Variants in HTR1F observed in about 807,000 individuals in gnomAD.
HTR1F encodes 5-hydroxytryptamine (serotonin) receptor 1F, G protein-coupled.
A neutral mutation model predicts 24.0 loss-of-function variants in HTR1F; 17 were observed. That is an observed-to-expected ratio of 0.71 (90% confidence interval 0.48 to 1.06). The LOEUF is 1.06. HTR1F is among the 50% of genes least tolerant of loss of function. The pLI is 0.00. For synonymous variants in HTR1F, 186 were observed against 156.8 expected, an observed-to-expected ratio of 1.19 and a Z score of -1.39; for missense variants, 391 against 427.8, an observed-to-expected ratio of 0.91 and a Z score of 0.76.
intron 2 of HTR1F, among the ~76,000 whole-genome samples, chr3:87,978,435 G>C (rs1705447471): frequency 6.6e-6 from 1 of 152,164 alleles, no homozygotes; most frequent in Non-Finnish European, 1.5e-5. Flanking sequence ...GTGAAGGGCT[G>C]CTTTATTGAG....
At chr3:87,812,044 C>T (rs963949419) in intron 1 of HTR1F, among the ~76,000 whole-genome samples, 1 of 152,148 alleles carries the variant, frequency 6.6e-6, no homozygotes, top group Non-Finnish European at 1.5e-5. Context: ...CTGAGGCCTC[C>T]CTAGCCATGC....
chr3:87,972,081 A>G (rs964449675), intron 2 of HTR1F, among the ~76,000 whole-genome samples: 3 of 152,196 alleles, frequency 2.0e-5, no homozygotes, highest in African/African-American at 7.2e-5. Flanking sequence ...TCATTCATTT[A>G]TTAAATAATG....
chr3:87,863,367 A>G (rs1705358224), intron 2 of HTR1F, among the ~76,000 whole-genome samples: 2 of 152,162 alleles, frequency 1.3e-5, no homozygotes, highest in African/African-American at 2.4e-5. Flanking sequence ...GATTTTTCAA[A>G]CATTTTATTT....
chr3:87,976,162 TTTTAA>T (rs1452041817), intron 2 of HTR1F, among the ~76,000 whole-genome samples: 1 of 152,204 alleles, frequency 6.6e-6, no homozygotes, highest in African/African-American at 2.4e-5. Context: ...GAATGAATAC[TTTTAA>T]TTTAACATAT....
chr3:87,960,591 A>G (rs549996153), intron 2 of HTR1F, among the ~76,000 whole-genome samples: 1 of 152,166 alleles, frequency 6.6e-6, no homozygotes, highest in South Asian at 2.1e-4. Flanking sequence ...GAGTTCCCTC[A>G]TCTACATAAG....
chr3:87,946,654 C>A (rs925362797), intron 2 of HTR1F, among the ~76,000 whole-genome samples: 49 of 147,066 alleles, frequency 3.3e-4, no homozygotes, highest in African/African-American at 1.2e-3. Flanking sequence ...AACAGTCTCA[C>A]TCTGTCACCC....
intron 2 of HTR1F, among the ~76,000 whole-genome samples, chr3:87,983,869 C>T (rs115888180): frequency 0.014 from 2,092 of 152,234 alleles, 19 homozygotes; most frequent in African/African-American, 0.021. Context: ...TTTTTGCTTA[C>T]GCCTTTTCCC....
At chr3:87,942,874 T>G (rs1704604508) in intron 2 of HTR1F, among the ~76,000 whole-genome samples, 1 of 152,280 alleles carries the variant, frequency 6.6e-6, no homozygotes, top group Admixed American at 6.5e-5. Context: ...AGTTTTTTAA[T>G]GTCTGCAGCT....
intron 2 of HTR1F, among the ~76,000 whole-genome samples, chr3:87,979,418 C>T (rs906756224): frequency 6.6e-6 from 1 of 152,126 alleles, no homozygotes; most frequent in South Asian, 2.1e-4. Flanking sequence ...CCGGCAGCCA[C>T]GATAGTCATT....
chr3:87,991,710 A>G lies in HTR1F; in HGVS notation c.961A>G (p.Lys321Glu). The G allele has an allele frequency of 6.2e-7, 1 of 1,613,956 alleles. No individual in the cohort carries two copies. The highest frequency in any genetic ancestry group is 8.5e-7 in the Non-Finnish European group (1 of 1,179,910). ...VKELVVNVCD[K>E]CKISEEMSNF... Reference sequence around the variant, plus strand: ...AGAATTAGTTGTTAATGTCTGTGACAAATGTAAAATTTCTGAAGAAATGTC... The same window carrying G: ...AGAATTAGTTGTTAATGTCTGTGACGAATGTAAAATTTCTGAAGAAATGTC... The change falls in exon 3 of 3, where the codon AAA becomes GAA. Residue 321 changes from lysine (K) to glutamate (E), a missense_variant. Coordinates refer to ENST00000319595, the MANE Select transcript of HTR1F (RefSeq NM_001322209.2).
chr3:87,891,288 T>C (rs1368946137), intron 2 of HTR1F, among the ~76,000 whole-genome samples: 1 of 128,058 alleles, frequency 7.8e-6, no homozygotes, highest in African/African-American at 2.7e-5. Context: ...AAATTGAGTG[T>C]TTTTTGTTAA....
chr3:87,864,441 T>A (rs572103397), intron 2 of HTR1F, among the ~76,000 whole-genome samples: 1 of 152,164 alleles, frequency 6.6e-6, no homozygotes, highest in Non-Finnish European at 1.5e-5. Flanking sequence ...GGGCCCTACC[T>A]TACAGGTTCT....
intron 1 of HTR1F, among the ~76,000 whole-genome samples, chr3:87,797,476 T>G (rs934373967): frequency 2.0e-5 from 3 of 152,314 alleles, no homozygotes; most frequent in African/African-American, 7.2e-5. Flanking sequence ...AAATGAGCCT[T>G]TATATGAAAA....
At chr3:87,978,078 C>CA (rs1469143660) in intron 2 of HTR1F, among the ~76,000 whole-genome samples, 1 of 152,200 alleles carries the variant, frequency 6.6e-6, no homozygotes, top group Admixed American at 6.5e-5. Flanking sequence ...GAGGGGCGGG[C>CA]AGCTCCAGGA....
At chr3:87,930,404 G>A (rs770185017) in intron 2 of HTR1F, among the ~76,000 whole-genome samples, 1 of 152,172 alleles carries the variant, frequency 6.6e-6, no homozygotes, top group African/African-American at 2.4e-5. Flanking sequence ...CATTTGGTAA[G>A]ATGTTGGCTG....
chr3:87,842,157 T>TTTTTG (rs1366220431), intron 2 of HTR1F, among the ~76,000 whole-genome samples: 1 of 151,686 alleles, frequency 6.6e-6, no homozygotes, highest in African/African-American at 2.4e-5. Context: ...CAATAGGCTT[T>TTTTTG]TTTTGTTTTG....
chr3:87,927,941 T>A (rs1704166967), intron 2 of HTR1F, among the ~76,000 whole-genome samples: 1 of 152,164 alleles, frequency 6.6e-6, no homozygotes. Flanking sequence ...TCAAGAAATG[T>A]GTAAATAAAC....
At chr3:87,881,635 G>T (rs1198779105) in intron 2 of HTR1F, among the ~76,000 whole-genome samples, 1 of 152,176 alleles carries the variant, frequency 6.6e-6, no homozygotes, top group Non-Finnish European at 1.5e-5. Context: ...AATAAATGGT[G>T]CTGGGAAAAC....
At chr3:87,967,899 G>A (rs893760364) in intron 2 of HTR1F, among the ~76,000 whole-genome samples, 1 of 152,338 alleles carries the variant, frequency 6.6e-6, no homozygotes, top group African/African-American at 2.4e-5. Flanking sequence ...ACCTGAAAAT[G>A]TGGAAGCAAC....
Sources: allele counts gnomAD v4.1 joint callset (sites outside exome capture counted in the v4.1 genomes callset), GRCh38; gene constraint gnomAD v4.1.1; transcripts MANE v1.5; gene names NCBI Gene and HGNC (gene_info 2026-07-23, HGNC 2026-07-21).